The following MAP7 variants were observed in gnomAD, a reference collection of about 807,000 sequenced individuals.
MAP7 encodes the protein microtubule associated protein 7, also known as ensconsin.
In MAP7, 52 loss-of-function variants were observed where a neutral mutation model predicts 94.8. That is an observed-to-expected ratio of 0.55 (90% CI 0.44 to 0.69). The LOEUF is 0.69. Among genes scored for constraint, MAP7 ranks in the 30% least tolerant of loss-of-function variants. MAP7 has a pLI of 0.00. For synonymous variants in MAP7, 350 were observed against 357.0 expected, an observed-to-expected ratio of 0.98 and a Z score of 0.22; for missense variants, 940 against 964.6, an observed-to-expected ratio of 0.97 and a Z score of 0.34.
chr6:136,428,559 C>A (rs72977556), intron 1 of MAP7, among the ~76,000 whole-genome samples: 1,656 of 151,324 alleles, frequency 0.011, 15 homozygotes, highest in Non-Finnish European at 0.017. Flanking sequence ...AATAGTGACA[C>A]AATCAACATT....
chr6:136,413,296 G>A (rs1189327394), intron 2 of MAP7, among the ~76,000 whole-genome samples: 3 of 152,136 alleles, frequency 2.0e-5, no homozygotes, highest in African/African-American at 7.2e-5. Context: ...TGGGAGGTGG[G>A]TGGTTCACTT....
intron 1 of MAP7, among the ~76,000 whole-genome samples, chr6:136,431,122 G>A (rs1162642397): frequency 1.3e-5 from 2 of 152,116 alleles, no homozygotes; most frequent in African/African-American, 2.4e-5. Flanking sequence ...AGTACAACTC[G>A]ATCCATCATA....
chr6:136,492,945 A>C (rs1017661977), intron 1 of MAP7, among the ~76,000 whole-genome samples: 1 of 152,092 alleles, frequency 6.6e-6, no homozygotes, highest in Non-Finnish European at 1.5e-5. Context: ...AAAATTAATA[A>C]ATCCTTTGTC....
At chr6:136,380,292 C>T (rs931734442) in intron 6 of MAP7, among the ~76,000 whole-genome samples, 1 of 152,200 alleles carries the variant, frequency 6.6e-6, no homozygotes, top group Admixed American at 6.5e-5. Flanking sequence ...CGTGACATCA[C>T]TATTCCATTT....
chr6:136,389,219 G>C, intron 4 of MAP7, 135 bp downstream of exon 4: 3 of 1,367,272 alleles, frequency 2.2e-6, no homozygotes, highest in Non-Finnish European at 2.9e-6. Context: ...CCTAGAAACT[G>C]TAGCCATCTG....
chr6:136,486,989 T>C (rs1023737023), intron 1 of MAP7, among the ~76,000 whole-genome samples: 1 of 152,056 alleles, frequency 6.6e-6, no homozygotes, highest in African/African-American at 2.4e-5. Flanking sequence ...AGGAAAGTGC[T>C]AACAAGTATA....
At chr6:136,428,842 C>T (rs1315319752) in intron 1 of MAP7, among the ~76,000 whole-genome samples, 1 of 152,096 alleles carries the variant, frequency 6.6e-6, no homozygotes, top group Non-Finnish European at 1.5e-5. Context: ...AGGGGTCATG[C>T]CCTTCAGCCT....
At chr6:136,443,281 G>A (rs1798388993) in intron 1 of MAP7, among the ~76,000 whole-genome samples, 1 of 151,944 alleles carries the variant, frequency 6.6e-6, no homozygotes. Flanking sequence ...TTCTAGGTGA[G>A]GTTAGTGGAA....
chr6:136,437,326 C>G (rs1325312804), intron 1 of MAP7, among the ~76,000 whole-genome samples: 1 of 151,928 alleles, frequency 6.6e-6, no homozygotes, highest in Non-Finnish European at 1.5e-5. Context: ...TGCAGGTTTC[C>G]TACCTCCATC....
intron 1 of MAP7, among the ~76,000 whole-genome samples, chr6:136,493,093 T>G (rs993480748): frequency 1.4e-5 from 2 of 147,460 alleles, no homozygotes; most frequent in African/African-American, 5.0e-5. Flanking sequence ...GTCTTCCCAG[T>G]TTTTTTTTTG....
intron 1 of MAP7, among the ~76,000 whole-genome samples, chr6:136,449,018 A>AAAGG (rs1554257992): frequency 9.7e-5 from 14 of 143,628 alleles, no homozygotes; most frequent in Admixed American, 5.5e-4. Flanking sequence ...AAAAAAAAAA[A>AAAGG]AAGAAGCAAG....
Position 136,421,795 on chromosome 6 carries a change from G to A in MAP7, c.72C>T (p.Pro24=), listed in dbSNP as rs908205075. The A allele has an allele frequency of 3.7e-6, 6 of 1,603,606 alleles. No individual in the cohort carries two copies. The highest frequency in any genetic ancestry group is 5.1e-6 in the Non-Finnish European group (6 of 1,177,160). The change falls in exon 2 of 18, where the codon CCC becomes CCT. Residue 24 remains proline, a synonymous_variant. Transcript: ENST00000354570. The part of the protein sequence containing the change: ...GDGAVRSETA[P]DSYKVQDKKN... ...TCTTATCTTGCACTTTGTAGCTGTCGGGTGCTACAGAAATGAGACAAAAGA... is the reference window on the plus strand; with the variant it reads ...TCTTATCTTGCACTTTGTAGCTGTCAGGTGCTACAGAAATGAGACAAAAGA...
chr6:136,342,864 A>T lies in MAP7; in HGVS notation c.*1364T>A, dbSNP rs986525596. 3.3e-5 allele frequency: 5 copies of T among 152,164 alleles called. No individual in the cohort carries two copies. Among genetic ancestry groups the T allele is most frequent in the African/African-American group, 1.2e-4 (5 of 41,424 alleles). 9.4% of individuals were successfully genotyped at this position (152,164 alleles called of 1,614,324 possible). On this transcript the variant is annotated 3_prime_UTR_variant, in exon 18 of 18. Coordinates refer to ENST00000354570, the MANE Select transcript of MAP7 (RefSeq NM_003980.6). ...ACATGGACAACTGAAAACAGGGAAA[A>T]CCCCCAAATTAATGTTTTCACAAAT...
Position 136,544,237 on chromosome 6 carries a change from G to A in MAP7, c.67+6105C>T, listed in dbSNP as rs1187395691. Among the ~76,000 whole-genome samples the A allele has an allele frequency of 4.6e-5, 7 of 151,984 alleles. No homozygotes were observed. The East Asian group carries it at 1.4e-3, about 29-fold the overall frequency. On this transcript the variant is annotated intron_variant, in intron 1 of 17. Transcript: ENST00000354570. The stretch of plus-strand genomic sequence containing the variant: ...GCACCTGGACTGTACGCAAATTTTA[G>A]AATAGATTTTTTAAAATCCCTCTGC...
intron 3 of MAP7, among the ~76,000 whole-genome samples, chr6:136,397,517 C>T (rs920402652): frequency 6.6e-6 from 1 of 150,614 alleles, no homozygotes; most frequent in African/African-American, 2.5e-5. Context: ...CCACCCCCAC[C>T]AAGTTCATAT....
At chr6:136,449,515 G>A (rs1482594972) in intron 1 of MAP7, among the ~76,000 whole-genome samples, 1 of 152,210 alleles carries the variant, frequency 6.6e-6, no homozygotes, top group Non-Finnish European at 1.5e-5. Flanking sequence ...AGAAACAGCC[G>A]ATTGGTTACA....
At chr6:136,387,952 C>T (rs189446112) in intron 5 of MAP7, among the ~76,000 whole-genome samples, 4 of 152,242 alleles carry the variant, frequency 2.6e-5, no homozygotes, top group East Asian at 1.9e-4. Context: ...TATTTTCTTA[C>T]AGAGCATTAG....
At chr6:136,466,356 A>G (rs1361234225) in intron 1 of MAP7, among the ~76,000 whole-genome samples, 1 of 152,068 alleles carries the variant, frequency 6.6e-6, no homozygotes, top group African/African-American at 2.4e-5. Flanking sequence ...TAAATTATAT[A>G]CTGAAATTTT....
intron 1 of MAP7, among the ~76,000 whole-genome samples, chr6:136,489,481 C>G (rs577150152): frequency 1.3e-5 from 2 of 148,222 alleles, no homozygotes; most frequent in East Asian, 4.0e-4. Flanking sequence ...ACAATATACT[C>G]TAGGAAATTC....
Sources: allele counts gnomAD v4.1 joint callset (sites outside exome capture counted in the v4.1 genomes callset), GRCh38; gene constraint gnomAD v4.1.1; transcripts MANE v1.5; gene names NCBI Gene and HGNC (gene_info 2026-07-23, HGNC 2026-07-21).